Variants in E4F1 observed in about 807,000 individuals in gnomAD.
E4F1 encodes transcription factor E4F1.
Under a neutral mutation model 72.9 loss-of-function variants are expected in E4F1, and 30 were observed. The ratio of observed to expected loss-of-function variants is 0.41; its 90% CI spans 0.31 to 0.56. The LOEUF (loss-of-function observed/expected upper bound fraction) is 0.56, where lower values mean the gene tolerates loss of function less well. E4F1 is among the 20% of genes least tolerant of loss of function. The pLI is 0.25. For synonymous variants in E4F1, 542 were observed against 478.2 expected (o/e 1.13, Z -1.74); for missense variants, 1,091 against 1,117.5 (o/e 0.98, Z 0.34).
In E4F1 at chr16:2,234,400, G is replaced by T; in HGVS notation, c.1593+12G>T. 1 of 1,612,436 alleles carries T rather than the reference G, an allele frequency of 6.2e-7. No homozygotes were observed. Among genetic ancestry groups the T allele is most frequent in the Non-Finnish European group, 8.5e-7 (1 of 1,179,682 alleles). On this transcript the variant is annotated intron_variant, in intron 10 of 13. Transcript: ENST00000301727. ...GCTACAAGACTAAGGTGGGTCTCTG[G>T]CCGCAGGACCCTGGCGCCTGATCCC... is the stretch of plus-strand genomic sequence containing the variant.
rs571303896 is a variant in E4F1 at position 2,235,677 on chromosome 16, C to T, written c.*105C>T. On this transcript the variant is annotated 3_prime_UTR_variant, in exon 14 of 14. Coordinates refer to ENST00000301727, the MANE Select transcript of E4F1 (RefSeq NM_004424.5). ...TAGAGAAGATGGCACAGGATGGAGGCGCCCCAAGACGGACAGTGTACATAA... is the reference window on the plus strand; with the variant it reads ...TAGAGAAGATGGCACAGGATGGAGGTGCCCCAAGACGGACAGTGTACATAA... 126 of 912,346 alleles carry T rather than the reference C, an allele frequency of 1.4e-4. No homozygotes were observed. The South Asian group carries it at 1.9e-3, about 14-fold the overall frequency. 56.5% of individuals were successfully genotyped at this position (912,346 alleles called of 1,614,324 possible). A position where few individuals can be genotyped will look rare whatever the true frequency, so the allele number is the denominator to read the frequency against.
At position 2,234,763 on chromosome 16, in the gene E4F1, C is replaced by A. The variant is rs2302584; in HGVS notation, c.1774C>A (p.Arg592=). 848 of 1,517,706 alleles carry A rather than the reference C, an allele frequency of 5.6e-4. 10 individuals carry two copies. The East Asian group carries it at 0.02, about 36-fold the overall frequency. The allele number at this position is 1,517,706 out of a possible 1,614,324, so 94.0% of individuals were successfully genotyped here. ...RGFAEHGTLN[R]HLRTKGGCLL... The stretch of plus-strand genomic sequence containing the variant: ...CTTCGCCGAGCACGGCACGCTGAAC[C>A]GGCACCTGCGCACCAAAGGTCTGGG... The change falls in exon 11 of 14, where the codon CGG becomes AGG. Residue 592 remains arginine, a synonymous_variant. Transcript: ENST00000301727.
chr16:2,235,016 C>T lies in E4F1; in HGVS notation c.1935+15C>T, dbSNP rs1264682832. 1 of 1,611,866 alleles carries T rather than the reference C, an allele frequency of 6.2e-7. No homozygotes were observed. The highest frequency in any genetic ancestry group is 1.1e-5 in the South Asian group (1 of 90,970). The stretch of plus-strand genomic sequence containing the variant: ...ATATCATCGAGGTGGGTGTGGGGCC[C>T]TGGGGCCGTGCTGGGACCCAGGGGC... On this transcript the variant is annotated intron_variant, in intron 12 of 13. Coordinates refer to ENST00000301727, the MANE Select transcript of E4F1 (RefSeq NM_004424.5).
chr16:2,224,041 C>G (rs1159626688), intron 1 of E4F1: 1 of 1,259,606 alleles, frequency 7.9e-7, no homozygotes, highest in Admixed American at 3.0e-5. Flanking sequence ...CCGGTGTAGA[C>G]ATTCGCAGAC....
At chr16:2,229,524 T>A (rs1438397163) in intron 2 of E4F1, 46 bp from the exon 3 acceptor site, 2 of 1,582,112 alleles carry the variant, frequency 1.3e-6, no homozygotes, top group South Asian at 2.2e-5. Context: ...GAGAACTAAC[T>A]CTGGAGCATA....
chr16:2,224,126 A>G (rs1004275550), intron 1 of E4F1, among the ~76,000 whole-genome samples: 1 of 152,054 alleles, frequency 6.6e-6, no homozygotes, highest in Admixed American at 6.5e-5. Flanking sequence ...TTCCTCCTGC[A>G]CCTGATGGGC....
intron 1 of E4F1, among the ~76,000 whole-genome samples, chr16:2,224,446 T>C (rs1032620591): frequency 1.3e-5 from 2 of 152,236 alleles, no homozygotes; most frequent in Admixed American, 1.3e-4. Context: ...GTGGATGTTA[T>C]TGTTATTCTC....
In E4F1 at chr16:2,229,659, C is replaced by G; in HGVS notation, c.399C>G (p.His133Gln). 1 of 1,613,008 alleles carries G rather than the reference C, an allele frequency of 6.2e-7. No individual in the cohort carries two copies. The highest frequency in any genetic ancestry group is 8.5e-7 in the Non-Finnish European group (1 of 1,179,942). Residue 133 changes from histidine (H) to glutamine (Q), a missense_variant, in exon 3 of 14, where the codon CAC becomes CAG. This residue lies in a region of E4F1 where 362 missense variants were observed against 358.6 expected (regional missense o/e 1.01). Transcript: ENST00000301727. ...CCTCTCTGGCAGCAGACATCAGCCA[C>G]GCATCTGACCTTGTTGGTAAGCCGA... is the stretch of plus-strand genomic sequence containing the variant. The part of the protein sequence containing the change: ...EAASLAADIS[H>Q]ASDLVGGGHI...
In E4F1 at chr16:2,232,856, C is replaced by G; in HGVS notation, c.831C>G (p.Ile277Met). Reference sequence around the variant, plus strand: ...CTCTCACCCCCTGCACAGAGAAAATCCGCTTCAGTGTGAGCAAGGACGTGG... The same window carrying G: ...CTCTCACCCCCTGCACAGAGAAAATGCGCTTCAGTGTGAGCAAGGACGTGG... The part of the protein sequence containing the change: ...LKSLTPCTEK[I>M]RFSVSKDVVV... Residue 277 changes from isoleucine to methionine, a missense_variant, in exon 6 of 14, where the codon ATC (isoleucine) becomes ATG (methionine). Around this residue, in one of 5 missense-constraint regions of E4F1, gnomAD observed 101 missense variants for 97.4 expected, o/e 1.04. Coordinates refer to ENST00000301727, the MANE Select transcript of E4F1 (RefSeq NM_004424.5). 3 of 1,613,478 alleles carry G rather than the reference C, an allele frequency of 1.9e-6. No individual in the cohort carries two copies. Among genetic ancestry groups the G allele is most frequent in the African/African-American group, 1.3e-5 (1 of 75,058 alleles).
chr16:2,233,202 C>T lies in E4F1; in HGVS notation c.1056+19C>T. ...CCCAGAGGTGGGGGCGACGGGGGGC[C>T]CCGGAGGGCTGCTCTGTCTTCTGCC... On this transcript the variant is annotated intron_variant, in intron 7 of 13. Transcript: ENST00000301727. 1.3e-6 allele frequency: 2 copies of T among 1,584,620 alleles called. No individual in the cohort carries two copies. The highest frequency in any genetic ancestry group is 1.1e-5 in the South Asian group (1 of 87,606).
chr16:2,231,944 T>C lies in E4F1; in HGVS notation c.416-227T>C, dbSNP rs2093470016. ...GGACACATTTAGGGGCCCTGGAGCA[T>C]CTCTGGGCAGCCTGACAGAGTCGGG... On this transcript the variant is annotated intron_variant, in intron 3 of 13. Coordinates refer to ENST00000301727, the MANE Select transcript of E4F1 (RefSeq NM_004424.5). 5.2e-6 allele frequency: 3 copies of C among 581,760 alleles called. No individual in the cohort carries two copies. In the South Asian group the frequency reaches 6.2e-5, roughly 12 times the overall value. 36.0% of individuals were successfully genotyped at this position (581,760 alleles called of 1,614,324 possible).
rs137969975 is a variant in E4F1 at position 2,234,191 on chromosome 16, G to A, written c.1396G>A (p.Ala466Thr). ...GHTGPRPFAC[A>T]QCGKAFPKAY... is the part of the protein sequence containing the mutation. ...TGCAGGGCCGAGGCCGTTCGCCTGC[G>A]CGCAGTGTGGCAAGGCCTTCCCCAA... Residue 466 changes from alanine to threonine, a missense_variant, in exon 10 of 14, where the codon GCG (alanine) becomes ACG (threonine). Physicochemically the swap from Ala to Thr is moderately conservative, Grantham distance 58. Transcript: ENST00000301727. 127 of 1,612,334 alleles carry A rather than the reference G, an allele frequency of 7.9e-5. No homozygotes were observed. In the East Asian group the frequency reaches 2.1e-3, roughly 26 times the overall value.
In E4F1 at chr16:2,233,624, C is replaced by A; in HGVS notation, c.1243C>A (p.Leu415Met). The A allele has an allele frequency of 6.6e-7, 1 of 1,520,252 alleles. No homozygotes were observed. 94.2% of individuals were successfully genotyped at this position (1,520,252 alleles called of 1,614,324 possible). A position where few individuals can be genotyped will look rare whatever the true frequency, so the allele number is the denominator to read the frequency against. Residue 415 changes from leucine to methionine, a missense_variant, in exon 8 of 14, where the codon CTG becomes ATG. Physicochemically the swap from Leu to Met is conservative, Grantham distance 15. This residue lies in a region of E4F1 where 622 missense variants were observed against 628.0 expected (regional missense o/e 0.99). Transcript: ENST00000301727. ...LAVAAPQLPV[L>M]EVQPLETQVA... is the part of the protein sequence containing the mutation. ...AGTGGCAGCCCCGCAGCTGCCGGTACTGGAAGTGCAGCCGCTGGAGACAGT... is the reference window on the plus strand; with the variant it reads ...AGTGGCAGCCCCGCAGCTGCCGGTAATGGAAGTGCAGCCGCTGGAGACAGT...
rs1344555989 is a variant in E4F1 at position 2,234,700 on chromosome 16, G to A, written c.1711G>A (p.Gly571Ser). The A allele has an allele frequency of 6.4e-6, 10 of 1,572,894 alleles. No individual in the cohort carries two copies. Among genetic ancestry groups the A allele is most frequent in the Admixed American group, 3.7e-5 (2 of 54,484 alleles). Residue 571 changes from glycine to serine, a missense_variant, in exon 11 of 14, where the codon GGC becomes AGC. This residue lies in a region of E4F1 where 622 missense variants were observed against 628.0 expected (regional missense o/e 0.99). Transcript: ENST00000301727. ...SLVRHVRHHT[G>S]EKPFKCYKCG... The stretch of plus-strand genomic sequence containing the variant: ...GGTGCGGCACGTGCGACACCACACA[G>A]GCGAGAAGCCGTTCAAGTGCTACAA...
rs766755916 is a variant in E4F1, at chr16:2,225,791, GA to G, written c.157+2043del. On this transcript the variant is annotated intron_variant, in intron 1 of 13. Transcript: ENST00000301727. Reference sequence around the variant, plus strand: ...CCGGCTCCTCCCAGTCTCTGTTTAGGAAAAAAAAAAAAAAAAAAAAAAGGCT... The same window carrying G: ...CCGGCTCCTCCCAGTCTCTGTTTAGGAAAAAAAAAAAAAAAAAAAAAGGCT... 3.8e-3 allele frequency among the ~76,000 whole-genome samples: 249 copies of G among 64,980 alleles called. 1 individual carries two copies. Among genetic ancestry groups the G allele is most frequent in the South Asian group, 0.033 (59 of 1,806 alleles). 42.6% of individuals were successfully genotyped at this position (64,980 alleles called of 152,430 possible). A position where few individuals can be genotyped will look rare whatever the true frequency, so the allele number is the denominator to read the frequency against.
chr16:2,228,708 G>C (rs1442860647), intron 2 of E4F1, among the ~76,000 whole-genome samples, 185 bp downstream of exon 2: 1 of 152,224 alleles, frequency 6.6e-6, no homozygotes, highest in Non-Finnish European at 1.5e-5. Context: ...GGGCGTCCTG[G>C]AGGGCCTGCG....
At chr16:2,234,137 G>T (rs749655806) in intron 9 of E4F1, 34 bp from the exon 10 acceptor site, 1 of 1,603,538 alleles carries the variant, frequency 6.2e-7, no homozygotes. Context: ...GCCCGCGGGT[G>T]ATGGGCTTGG....
At position 2,234,768 on chromosome 16, in the gene E4F1, C is replaced by G. The variant is rs1290759342; in HGVS notation, c.1779C>G (p.His593Gln). Residue 593 changes from histidine to glutamine, a missense_variant, in exon 11 of 14, where the codon CAC (histidine) becomes CAG (glutamine). Physicochemically the swap from His to Gln is conservative, Grantham distance 24. Around this residue, in one of 5 missense-constraint regions of E4F1, gnomAD observed 622 missense variants for 628.0 expected, o/e 0.99. Transcript: ENST00000301727. ...GFAEHGTLNRHLRTKGGCLLE... is the reference protein window; with the variant it reads ...GFAEHGTLNRQLRTKGGCLLE... ...CCGAGCACGGCACGCTGAACCGGCA[C>G]CTGCGCACCAAAGGTCTGGGCCGGT... 1 of 1,548,576 alleles carries G rather than the reference C, an allele frequency of 6.5e-7. No homozygotes were observed. Among genetic ancestry groups the G allele is most frequent in the East Asian group, 2.4e-5 (1 of 40,968 alleles).
rs2093481641 is a variant in E4F1 at position 2,233,485 on chromosome 16, G to C, written c.1104G>C (p.Glu368Asp). The C allele has an allele frequency of 4.6e-6, 7 of 1,507,624 alleles. No individual in the cohort carries two copies. Among genetic ancestry groups the C allele is most frequent in the Non-Finnish European group, 6.2e-6 (7 of 1,130,802 alleles). The allele number at this position is 1,507,624 out of a possible 1,614,324, so 93.4% of individuals were successfully genotyped here. The change falls in exon 8 of 14, where the codon GAG becomes GAC. Residue 368 changes from glutamate (E) to aspartate (D), a missense_variant. Glu to Asp is a conservative substitution (Grantham distance 45). Coordinates refer to ENST00000301727, the MANE Select transcript of E4F1 (RefSeq NM_004424.5). ...ELPCSSEGSR[E>D]NLLHQAMQNS... ...CCTGCTCCAGCGAGGGCAGCCGTGA[G>C]AACCTGCTGCACCAGGCCATGCAGA... is the stretch of plus-strand genomic sequence containing the variant.
Sources: gnomAD v4.1 joint callset for allele counts (sites outside exome capture counted in the v4.1 genomes callset) on GRCh38, gnomAD v4.1.1 for gene constraint, gnomAD v4.1.1 regional missense constraint, MANE v1.5 for transcripts, NCBI Gene and HGNC (gene_info 2026-07-23, HGNC 2026-07-21) for gene names.